The following PIAS1 variants were observed in gnomAD, a reference collection of about 807,000 sequenced individuals.
PIAS1 encodes the protein protein inhibitor of activated STAT 1.
Under a neutral mutation model 71.3 loss-of-function variants are expected in PIAS1, and 6 were observed. The observed-to-expected ratio is 0.08, with a 90% CI of 0.05 to 0.17. PIAS1 has a LOEUF of 0.17. PIAS1 is among the 10% of genes least tolerant of loss of function. The pLI is 1.00. For synonymous variants in PIAS1, 303 were observed against 292.9 expected (o/e 1.03, Z -0.35); for missense variants, 555 against 793.6 (o/e 0.70, Z 3.61).
intron 2 of PIAS1, among the ~76,000 whole-genome samples, chr15:68,090,447 T>G (rs1406354334): frequency 3.3e-5 from 5 of 152,168 alleles, no homozygotes; most frequent in Non-Finnish European, 5.9e-5. Context: ...TACCCTTTAT[T>G]AAATGTTTTT....
chr15:68,169,301 T>C (rs1033311025), intron 8 of PIAS1, among the ~76,000 whole-genome samples: 2 of 152,246 alleles, frequency 1.3e-5, no homozygotes, highest in African/African-American at 4.8e-5. Flanking sequence ...CAACATGGTA[T>C]CTTGCCTAAT....
At chr15:68,114,501 G>C (rs1040166224) in intron 2 of PIAS1, among the ~76,000 whole-genome samples, 1 of 152,074 alleles carries the variant, frequency 6.6e-6, no homozygotes, top group Non-Finnish European at 1.5e-5. Flanking sequence ...GTTTGACTAA[G>C]TCAGAGGGTT....
At chr15:68,156,211 C>G (rs1038884521) in intron 7 of PIAS1, among the ~76,000 whole-genome samples, 1 of 152,158 alleles carries the variant, frequency 6.6e-6, no homozygotes, top group Non-Finnish European at 1.5e-5. Flanking sequence ...TAAATAATTG[C>G]ACAAGTCATT....
rs2091882324 is a variant in PIAS1, at chr15:68,055,141, T to A, written c.24+791T>A. The A allele has an allele frequency of 8.5e-6, 8 of 941,188 alleles. No homozygotes were observed. In the South Asian group the frequency reaches 3.9e-4, roughly 46 times the overall value. The allele number at this position is 941,188 out of a possible 1,614,324, so 58.3% of individuals were successfully genotyped here. ...GGAGGGGGGGATGCAGCTACCTCTC[T>A]CCCTTCTTTTGCCTTAGCTGGTGTG... On this transcript the variant is annotated intron_variant, in intron 1 of 13. Coordinates refer to ENST00000249636, the MANE Select transcript of PIAS1 (RefSeq NM_016166.3).
intron 7 of PIAS1, among the ~76,000 whole-genome samples, chr15:68,159,836 G>A (rs984815665): frequency 2.0e-5 from 3 of 151,998 alleles, no homozygotes; most frequent in African/African-American, 7.2e-5. Flanking sequence ...TTTCTCTTGG[G>A]TAAATACCTA....
At chr15:68,075,638 G>A (rs1184121298) in intron 1 of PIAS1, among the ~76,000 whole-genome samples, 1 of 152,076 alleles carries the variant, frequency 6.6e-6, no homozygotes, top group South Asian at 2.1e-4. Context: ...AAAAGAAAGG[G>A]TCGTTATTAT....
chr15:68,054,694 A>C lies in PIAS1; in HGVS notation c.24+344A>C. ...CTTCCAGTTAGCCTCCCTGCCCCCC[A>C]TGGGGAGCTGGGGCTGGGGGCAGGG... On this transcript the variant is annotated intron_variant, in intron 1 of 13. Transcript: ENST00000249636. This position sits in a 1 kb window ranked among gnomAD's most constrained non-coding sequence, Gnocchi z 4.6. 1.4e-5 allele frequency: 3 copies of C among 210,848 alleles called. No homozygotes were observed. Among genetic ancestry groups the C allele is most frequent in the Non-Finnish European group, 1.9e-5 (2 of 106,214 alleles). The allele number at this position is 210,848 out of a possible 1,614,324, so 13.1% of individuals were successfully genotyped here.
At chr15:68,184,848 T>C (rs1291633955) in intron 13 of PIAS1, 1 of 153,374 alleles carries the variant, frequency 6.5e-6, no homozygotes, top group African/African-American at 2.4e-5. Flanking sequence ...GGCTACAAAT[T>C]GAAACCCTTT....
chr15:68,137,791 ATCACATCTGGAAGAATATATCAAT>A (rs2092743774), intron 2 of PIAS1, among the ~76,000 whole-genome samples: 1 of 152,334 alleles, frequency 6.6e-6, no homozygotes, highest in Admixed American at 6.5e-5. Flanking sequence ...TTCTACTGAC[ATCACATCTGGAAGAATATATCAAT>A]CAACTTAGAA....
chr15:68,182,513 G>A (rs2093061227), intron 12 of PIAS1, among the ~76,000 whole-genome samples: 1 of 151,606 alleles, frequency 6.6e-6, no homozygotes, highest in South Asian at 2.1e-4. Context: ...GTGTGTGTGT[G>A]TGTCGGAGTT....
intron 2 of PIAS1, among the ~76,000 whole-genome samples, chr15:68,127,217 C>G (rs975929539): frequency 6.6e-6 from 1 of 152,130 alleles, no homozygotes; most frequent in East Asian, 1.9e-4. Context: ...AGCCACCGCG[C>G]CTGGTCATTT....
chr15:68,178,597 A>G lies in PIAS1; in HGVS notation c.1481+1943A>G, dbSNP rs149463735. 1.8e-3 allele frequency among the ~76,000 whole-genome samples: 273 copies of G among 152,356 alleles called. No individual in the cohort carries two copies. Among genetic ancestry groups the G allele is most frequent in the African/African-American group, 5.5e-3 (229 of 41,588 alleles). ...CAAGATATTTTGTAAATATCAAACCATAGTATGACCAAATACACATTGTCA... is the reference window on the plus strand; with the variant it reads ...CAAGATATTTTGTAAATATCAAACCGTAGTATGACCAAATACACATTGTCA... On this transcript the variant is annotated intron_variant, in intron 11 of 13. Transcript: ENST00000249636. This position sits in a 1 kb window ranked among gnomAD's most constrained non-coding sequence, Gnocchi z 4.2.
intron 2 of PIAS1, among the ~76,000 whole-genome samples, chr15:68,116,258 T>A (rs116463545): frequency 0.011 from 1,646 of 152,194 alleles, 31 homozygotes; most frequent in African/African-American, 0.035. Flanking sequence ...GTTATCAAAT[T>A]ACAAATTCAG....
intron 2 of PIAS1, among the ~76,000 whole-genome samples, chr15:68,094,061 G>T (rs910371225): frequency 3.3e-5 from 5 of 151,790 alleles, no homozygotes; most frequent in African/African-American, 1.2e-4. Context: ...TGGGAAGGTG[G>T]CTTCTATTTA....
intron 1 of PIAS1, among the ~76,000 whole-genome samples, chr15:68,085,368 T>C (rs2092270113): frequency 6.6e-6 from 1 of 152,148 alleles, no homozygotes; most frequent in African/African-American, 2.4e-5. Context: ...CATTTCCTAT[T>C]AGTAGGTGGG....
intron 6 of PIAS1, 93 bp downstream of exon 6, chr15:68,146,793 G>T (rs1318225919): frequency 4.4e-6 from 4 of 916,298 alleles, no homozygotes; most frequent in Middle Eastern, 2.2e-4. Flanking sequence ...TATGTAAAAT[G>T]AGCTGCAAAA....
chr15:68,160,412 A>G (rs11853028), intron 7 of PIAS1, among the ~76,000 whole-genome samples: 3,199 of 152,238 alleles, frequency 0.021, 115 homozygotes, highest in African/African-American at 0.073. Flanking sequence ...TCAAAAACCA[A>G]TTGACCATAG....
At chr15:68,057,424 ATG>A (rs2091908303) in intron 1 of PIAS1, 1 of 399,674 alleles carries the variant, frequency 2.5e-6, no homozygotes, top group East Asian at 8.3e-5. Flanking sequence ...AAAAAAAAAT[ATG>A]TGTTTTTTTG....
intron 7 of PIAS1, among the ~76,000 whole-genome samples, chr15:68,160,659 A>G (rs934996144): frequency 6.6e-6 from 1 of 152,222 alleles, no homozygotes; most frequent in Non-Finnish European, 1.5e-5. Context: ...TCAGCATTCA[A>G]ATGCTGAAAT....
Sources: allele counts gnomAD v4.1 joint callset (sites outside exome capture counted in the v4.1 genomes callset), GRCh38; gene constraint gnomAD v4.1.1; non-coding constraint Gnocchi (gnomAD v3.1); transcripts MANE v1.5; gene names NCBI Gene and HGNC (gene_info 2026-07-23, HGNC 2026-07-21).